Variants in UBE2L3 observed in about 807,000 individuals in gnomAD.
UBE2L3 encodes the protein ubiquitin conjugating enzyme E2 L3, also known as ubiquitin-conjugating enzyme E2 L3.
In UBE2L3, 1 loss-of-function variant was observed where a neutral mutation model predicts 17.8. The observed-to-expected ratio is 0.06, with a 90% CI of 0.02 to 0.27. UBE2L3 has a LOEUF of 0.27. UBE2L3 is among the 10% of genes least tolerant of loss of function. The pLI is 1.00. For missense variants in UBE2L3, 40 were observed against 192.6 expected, an observed-to-expected ratio of 0.21 and a Z score of 4.69; for synonymous variants, 44 against 68.5, an observed-to-expected ratio of 0.64 and a Z score of 1.76.
intron 2 of UBE2L3, among the ~76,000 whole-genome samples, chr22:21,609,853 G>A (rs1929383842): frequency 1.3e-5 from 2 of 152,070 alleles, no homozygotes; most frequent in South Asian, 2.1e-4. Context: ...TGGTGAAACC[G>A]CATGTCTACT....
At chr22:21,589,907 A>G (rs117780829) in intron 1 of UBE2L3, among the ~76,000 whole-genome samples, 104 of 152,252 alleles carry the variant, frequency 6.8e-4, no homozygotes, top group Non-Finnish European at 1.3e-3. Context: ...TGCTGTCATT[A>G]GCATCCTCAG....
intron 3 of UBE2L3, among the ~76,000 whole-genome samples, chr22:21,614,913 GGAGGCT>G (rs1405854518): frequency 5.3e-5 from 8 of 152,182 alleles, no homozygotes; most frequent in African/African-American, 1.7e-4. Flanking sequence ...CAGCACTTTG[GGAGGCT>G]GAGGCGGGTG....
chr22:21,607,188 T>C (rs908609135), intron 2 of UBE2L3, among the ~76,000 whole-genome samples: 3 of 151,884 alleles, frequency 2.0e-5, no homozygotes, highest in Admixed American at 6.6e-5. Context: ...CTTGAAGATA[T>C]GGGGCTGGGG....
At chr22:21,567,313 G>A (rs1465656443), upstream of UBE2L3, among the ~76,000 whole-genome samples, 3 of 152,052 alleles carry the variant, frequency 2.0e-5, no homozygotes, top group African/African-American at 4.8e-5. Context: ...ACAGGCGCCC[G>A]CCACCACGCC....
chr22:21,617,951 A>G (rs933322907), intron 3 of UBE2L3, among the ~76,000 whole-genome samples: 2 of 151,590 alleles, frequency 1.3e-5, no homozygotes, highest in South Asian at 4.2e-4. Flanking sequence ...GGAGGATGAG[A>G]TGGGTGGATC....
chr22:21,612,600 C>G (rs1382544675), intron 3 of UBE2L3, among the ~76,000 whole-genome samples: 1 of 147,128 alleles, frequency 6.8e-6, no homozygotes, highest in African/African-American at 2.5e-5. Flanking sequence ...GCTGGGATTA[C>G]AGGCGTAAGC....
At chr22:21,596,809 A>G (rs1201993515) in intron 2 of UBE2L3, among the ~76,000 whole-genome samples, 3 of 152,006 alleles carry the variant, frequency 2.0e-5, no homozygotes, top group Non-Finnish European at 4.4e-5. Context: ...AATTTCCACT[A>G]CAAAGGTTCC....
chr22:21,558,460 G>A (rs952872936), intron 1 of UBE2L3, among the ~76,000 whole-genome samples: 4 of 152,244 alleles, frequency 2.6e-5, no homozygotes, highest in Admixed American at 6.5e-5. Context: ...GTGAAACCCC[G>A]TCTCTACTAA....
intron 3 of UBE2L3, among the ~76,000 whole-genome samples, chr22:21,611,992 A>G (rs928969089): frequency 1.3e-5 from 2 of 152,144 alleles, no homozygotes; most frequent in Non-Finnish European, 2.9e-5. Context: ...AGGTGCACGC[A>G]AAGTATGGCT....
chr22:21,556,357 T>C (rs1209156298), intron 1 of UBE2L3, among the ~76,000 whole-genome samples: 6 of 152,148 alleles, frequency 3.9e-5, no homozygotes, highest in Non-Finnish European at 7.3e-5. Flanking sequence ...ATCATGCCAC[T>C]GCACTCCAGC....
intron 1 of UBE2L3, among the ~76,000 whole-genome samples, chr22:21,556,402 AG>A (rs1926226741): frequency 1.3e-5 from 2 of 152,208 alleles, no homozygotes; most frequent in South Asian, 4.1e-4. Flanking sequence ...CTAAAAAAAA[AG>A]TAAAATAAAA....
chr22:21,573,353 A>G (rs1170113777), intron 1 of UBE2L3, among the ~76,000 whole-genome samples: 3 of 152,046 alleles, frequency 2.0e-5, no homozygotes, highest in Non-Finnish European at 4.4e-5. Flanking sequence ...CATGCTTTGC[A>G]CACACACTCT....
intron 1 of UBE2L3, among the ~76,000 whole-genome samples, chr22:21,556,629 A>ATTTT (rs780653296): frequency 2.3e-5 from 3 of 130,456 alleles, no homozygotes; most frequent in African/African-American, 3.0e-5. Flanking sequence ...TTTTTTTTGT[A>ATTTT]TTTTTTTTTT....
upstream of UBE2L3, among the ~76,000 whole-genome samples, chr22:21,564,400 T>G (rs1926561161): frequency 1.3e-5 from 2 of 151,872 alleles, no homozygotes. Context: ...TTTGGCTGAG[T>G]GGAGGGGATC....
At chr22:21,556,195 C>T (rs1167044263) in intron 1 of UBE2L3, among the ~76,000 whole-genome samples, 6 of 152,224 alleles carry the variant, frequency 3.9e-5, no homozygotes, top group South Asian at 2.1e-4. Context: ...TGAGTCACCG[C>T]ACTCCTGCCT....
rs12169678 is a variant in UBE2L3 at position 21,609,192 on chromosome 22, C to T, written c.124-1665C>T. 7.2e-3 allele frequency among the ~76,000 whole-genome samples: 1,100 copies of T among 152,268 alleles called. 17 individuals are homozygous for T. Among genetic ancestry groups the T allele is most frequent in the African/African-American group, 0.025 (1,044 of 41,558 alleles). ...GATTACAGGCGTGAGCCACCGCGCC[C>T]GGCCGGCAGTTTCTTACAAAACTAA... On this transcript the variant is annotated intron_variant, in intron 2 of 3. Transcript: ENST00000342192.
At chr22:21,605,011 C>T (rs1253533282) in intron 2 of UBE2L3, among the ~76,000 whole-genome samples, 2 of 152,128 alleles carry the variant, frequency 1.3e-5, no homozygotes, top group Admixed American at 6.6e-5. Flanking sequence ...AAGGCAGTGG[C>T]GTGATCATGG....
At chr22:21,621,233 G>A (rs766266460) in intron 3 of UBE2L3, among the ~76,000 whole-genome samples, 1 of 152,186 alleles carries the variant, frequency 6.6e-6, no homozygotes, top group Non-Finnish European at 1.5e-5. Flanking sequence ...CTCCCCAGGT[G>A]TTAGGTCAGG....
chr22:21,606,018 A>G (rs1223665398), intron 2 of UBE2L3, among the ~76,000 whole-genome samples: 3 of 152,198 alleles, frequency 2.0e-5, no homozygotes, highest in African/African-American at 7.2e-5. Flanking sequence ...GTAGGACTTT[A>G]TAGTCCTTAT....
Sources: allele counts gnomAD v4.1 joint callset (sites outside exome capture counted in the v4.1 genomes callset), GRCh38; gene constraint gnomAD v4.1.1; transcripts MANE v1.5; gene names NCBI Gene and HGNC (gene_info 2026-07-23, HGNC 2026-07-21).